CUX1: variants seen among roughly 807,000 people sequenced by gnomAD.
The protein encoded by CUX1 is cut like homeobox 1, also known as protein CASP.
Under a neutral mutation model 158.8 loss-of-function variants are expected in CUX1, and 31 were observed. That is an observed-to-expected ratio of 0.20 (90% CI 0.15 to 0.26). The LOEUF is 0.26. Among genes scored for constraint, CUX1 ranks in the 10% least tolerant of loss-of-function variants. CUX1 has a pLI of 1.00. For synonymous variants in CUX1, 879 were observed against 862.1 expected, an observed-to-expected ratio of 1.02 and a Z score of -0.34; for missense variants, 1,589 against 2,014.6, an observed-to-expected ratio of 0.79 and a Z score of 4.04.
At chr7:101,908,038 G>T (rs913708317) in intron 1 of CUX1, among the ~76,000 whole-genome samples, 3 of 152,154 alleles carry the variant, frequency 2.0e-5, no homozygotes, top group African/African-American at 7.2e-5. Flanking sequence ...CCCAAGTGTA[G>T]ATATGAAAGA....
chr7:101,847,593 T>C (rs541048538), intron 1 of CUX1, among the ~76,000 whole-genome samples: 191 of 152,286 alleles, frequency 1.3e-3, no homozygotes, highest in Middle Eastern at 6.8e-3. Flanking sequence ...CAGTGCCTGA[T>C]GTACTATTCT....
intron 8 of CUX1, among the ~76,000 whole-genome samples, chr7:102,157,806 T>C (rs1456158686): frequency 1.3e-5 from 2 of 152,054 alleles, no homozygotes; most frequent in East Asian, 1.9e-4. Context: ...ATAAAAGCAC[T>C]CTCCGCATTC....
intron 8 of CUX1, among the ~76,000 whole-genome samples, chr7:102,135,602 C>A (rs117090327): frequency 9.0e-4 from 136 of 151,596 alleles, no homozygotes; most frequent in Middle Eastern, 6.8e-3. Context: ...TACACACACA[C>A]AAAAAATAAT....
chr7:102,093,157 CT>C (rs34712960), intron 4 of CUX1, among the ~76,000 whole-genome samples: 45,720 of 120,566 alleles, frequency 0.38, 9,632 homozygotes, highest in African/African-American at 0.61. Context: ...AAAACAGAAG[CT>C]TTTTTTTTTT....
intron 8 of CUX1, among the ~76,000 whole-genome samples, chr7:102,125,979 C>G (rs1832594543): frequency 6.6e-6 from 1 of 151,686 alleles, no homozygotes; most frequent in Non-Finnish European, 1.5e-5. Flanking sequence ...TAGGCTGTTT[C>G]CTTTTACATG....
chr7:102,262,398 G>GGATGGATGGATGGATGGATGGAT (rs1206853593), downstream of CUX1, among the ~76,000 whole-genome samples: 2 of 147,694 alleles, frequency 1.4e-5, no homozygotes, highest in African/African-American at 5.1e-5. Flanking sequence ...ACTCCATCAT[G>GGATGGATGGATGGATGGATGGAT]GATGGATGGA....
chr7:101,984,487 G>A, intron 2 of CUX1, among the ~76,000 whole-genome samples: 1 of 131,968 alleles, frequency 7.6e-6, no homozygotes, highest in Non-Finnish European at 1.6e-5. Context: ...CGCTCAGATT[G>A]TTCTCCGGCA....
In CUX1 at chr7:101,915,182, G is replaced by A. The variant is rs376294845; in HGVS notation, c.31-933G>A. 3.3e-5 allele frequency among the ~76,000 whole-genome samples: 5 copies of A among 152,156 alleles called. 1 individual carries two copies. Among genetic ancestry groups the A allele is most frequent in the South Asian group, 2.1e-4 (1 of 4,834 alleles). ...GCAGGAAAACAGGCCTTTTGGTGGCGACAGCAGTGTGTCCTTGGGCGCCTG... is the reference window on the plus strand; with the variant it reads ...GCAGGAAAACAGGCCTTTTGGTGGCAACAGCAGTGTGTCCTTGGGCGCCTG... On this transcript the variant is annotated intron_variant, in intron 1 of 23. Coordinates refer to ENST00000292535, the MANE Select transcript of CUX1 (RefSeq NM_181552.4).
chr7:102,245,761 C>T (rs1800741132), intron 23 of CUX1, among the ~76,000 whole-genome samples: 1 of 152,260 alleles, frequency 6.6e-6, no homozygotes, highest in Admixed American at 6.5e-5. Flanking sequence ...CACCTGAGGT[C>T]AGGAGTTCAA....
At chr7:101,871,524 C>T (rs1038291047) in intron 1 of CUX1, among the ~76,000 whole-genome samples, 9 of 152,022 alleles carry the variant, frequency 5.9e-5, no homozygotes, top group African/African-American at 1.9e-4. Context: ...ATCTTAGAGG[C>T]GACCTTGGGC....
At chr7:102,030,691 G>GTTTTTTTTTTTTTTTT (rs71119801) in intron 3 of CUX1, among the ~76,000 whole-genome samples, 4 of 119,412 alleles carry the variant, frequency 3.3e-5, no homozygotes, top group African/African-American at 3.1e-5. Context: ...TTTAAAAAGT[G>GTTTTTTTTTTTTTTTT]TTTTTTTTTT....
intron 1 of CUX1, among the ~76,000 whole-genome samples, chr7:101,837,523 A>G (rs1348872999): frequency 3.9e-5 from 6 of 152,210 alleles, no homozygotes; most frequent in East Asian, 1.9e-4. Flanking sequence ...CAGTTGTTCT[A>G]TCATGTTAAA....
At chr7:102,236,348 G>C (rs1245462129) in intron 22 of CUX1, among the ~76,000 whole-genome samples, 4 of 149,596 alleles carry the variant, frequency 2.7e-5, no homozygotes, top group African/African-American at 1.0e-4. Context: ...GTCTGAGGTA[G>C]GCCATGCCTC....
intron 1 of CUX1, chr7:101,913,297 T>C (rs1464465542): frequency 1.7e-6 from 2 of 1,151,462 alleles, no homozygotes; most frequent in South Asian, 2.6e-5. Context: ...GGTGTTAAAT[T>C]TGGAGACCCC....
intron 8 of CUX1, among the ~76,000 whole-genome samples, chr7:102,135,991 G>T (rs1412818251): frequency 6.6e-6 from 1 of 151,448 alleles, no homozygotes; most frequent in African/African-American, 2.4e-5. Context: ...AAAGAAAATG[G>T]TTTTTTCTCC....
At chr7:102,270,779 T>C (rs1451092627) in intron 14 of CUX1, among the ~76,000 whole-genome samples, 1 of 152,186 alleles carries the variant, frequency 6.6e-6, no homozygotes, top group Non-Finnish European at 1.5e-5. Context: ...TTTTCCAGGA[T>C]AGCGGGCCAC....
At chr7:102,009,053 G>A (rs1366311891) in intron 2 of CUX1, among the ~76,000 whole-genome samples, 2 of 152,168 alleles carry the variant, frequency 1.3e-5, no homozygotes, top group African/African-American at 4.8e-5. Context: ...GCAGTGTTCA[G>A]AGGCTCGGCC....
At chr7:102,000,621 GTGCAGAAT>G (rs370399434) in intron 2 of CUX1, among the ~76,000 whole-genome samples, 66 of 152,340 alleles carry the variant, frequency 4.3e-4, no homozygotes, top group African/African-American at 1.6e-3. Flanking sequence ...GCAGCCCATT[GTGCAGAAT>G]TGCTTAATGT....
At chr7:101,860,740 CCTTCCTTCCTT>C (rs1797360785) in intron 1 of CUX1, among the ~76,000 whole-genome samples, 2 of 81,730 alleles carry the variant, frequency 2.4e-5, no homozygotes, top group African/African-American at 9.1e-5. Context: ...TTCCTCCCTT[CCTTCCTTCCTT>C]CCTTCCTTCC....
Sources: gnomAD v4.1 joint callset for allele counts (sites outside exome capture counted in the v4.1 genomes callset) on GRCh38, gnomAD v4.1.1 for gene constraint, MANE v1.5 for transcripts, NCBI Gene and HGNC (gene_info 2026-07-23, HGNC 2026-07-21) for gene names.